The following CSMD1 variants were observed in gnomAD, a reference collection of about 807,000 sequenced individuals.
CSMD1 encodes the protein CUB and sushi domain-containing protein 1.
A neutral mutation model predicts 417.5 loss-of-function variants in CSMD1; 213 were observed. That is an observed-to-expected ratio of 0.51 (90% CI 0.46 to 0.57). CSMD1 has a LOEUF of 0.57. Ranked by LOEUF, CSMD1 falls within the 20% of genes least tolerant of loss-of-function variation. CSMD1 has a pLI of 0.00. For synonymous variants in CSMD1, 2,862 were observed against 1,736.8 expected (o/e 1.65, Z -16.11); for missense variants, 6,923 against 4,529.7 (o/e 1.53, Z -15.17).
At chr8:4,351,766 G>C (rs1283594892) in intron 3 of CSMD1, among the ~76,000 whole-genome samples, 1 of 152,086 alleles carries the variant, frequency 6.6e-6, no homozygotes, top group Non-Finnish European at 1.5e-5. Context: ...GAGAAGATGT[G>C]AAATTGCCAC....
chr8:3,488,530 T>A (rs1818186673), intron 11 of CSMD1, among the ~76,000 whole-genome samples: 1 of 152,190 alleles, frequency 6.6e-6, no homozygotes, highest in Admixed American at 6.5e-5. Flanking sequence ...TTAGCACTCT[T>A]ACTATTAATA....
chr8:3,352,920 A>C (rs1808511605), intron 21 of CSMD1, among the ~76,000 whole-genome samples: 1 of 152,304 alleles, frequency 6.6e-6, no homozygotes, highest in African/African-American at 2.4e-5. Context: ...AAAAACACAA[A>C]AACACATGGG....
chr8:4,166,276 C>T (rs913982376), intron 3 of CSMD1, among the ~76,000 whole-genome samples: 1 of 152,068 alleles, frequency 6.6e-6, no homozygotes, highest in Non-Finnish European at 1.5e-5. Context: ...AATACATAAA[C>T]ATAAAAGTTC....
chr8:3,010,234 C>T (rs1585142895), intron 52 of CSMD1, among the ~76,000 whole-genome samples: 1 of 152,168 alleles, frequency 6.6e-6, no homozygotes, highest in East Asian at 1.9e-4. Flanking sequence ...TCGGTGTTGC[C>T]TGTTTAAAAC....
intron 10 of CSMD1, among the ~76,000 whole-genome samples, chr8:3,574,070 T>G (rs1022452324): frequency 1.3e-5 from 2 of 152,138 alleles, no homozygotes; most frequent in South Asian, 4.1e-4. Flanking sequence ...GTATGCAAAC[T>G]TACAGAGAAA....
chr8:3,733,059 C>T (rs1269781839), intron 6 of CSMD1, among the ~76,000 whole-genome samples: 1 of 151,738 alleles, frequency 6.6e-6, no homozygotes, highest in African/African-American at 2.4e-5. Context: ...GAAGTAAATG[C>T]TGCTGATTGG....
intron 12 of CSMD1, among the ~76,000 whole-genome samples, chr8:3,436,236 A>G (rs1041690324): frequency 3.3e-5 from 5 of 152,228 alleles, no homozygotes; most frequent in African/African-American, 1.2e-4. Context: ...GAAAAAGAAA[A>G]TTAAAATGTG....
At chr8:4,458,877 G>T (rs866641472) in intron 2 of CSMD1, among the ~76,000 whole-genome samples, 1 of 152,176 alleles carries the variant, frequency 6.6e-6, no homozygotes, top group Non-Finnish European at 1.5e-5. Flanking sequence ...TCATTCCACA[G>T]TGAAACAAGC....
At chr8:3,510,020 G>A (rs1038872432) in intron 10 of CSMD1, among the ~76,000 whole-genome samples, 18 of 152,138 alleles carry the variant, frequency 1.2e-4, no homozygotes, top group Non-Finnish European at 2.4e-4. Flanking sequence ...TATACAAGTC[G>A]CGTATCCACT....
chr8:4,932,399 T>C (rs7828818), intron 1 of CSMD1, among the ~76,000 whole-genome samples: 47,208 of 151,846 alleles, frequency 0.31, 8,312 homozygotes, highest in Non-Finnish European at 0.41. Flanking sequence ...ACAGAGTTTG[T>C]TCCTTCTGTG....
chr8:3,912,146 G>C (rs942224518), intron 5 of CSMD1, among the ~76,000 whole-genome samples: 4 of 152,028 alleles, frequency 2.6e-5, no homozygotes, highest in African/African-American at 7.2e-5. Context: ...TATTTAACCT[G>C]ATTAATGGGA....
intron 3 of CSMD1, among the ~76,000 whole-genome samples, chr8:4,071,186 T>C (rs1466521263): frequency 6.6e-6 from 1 of 152,100 alleles, no homozygotes; most frequent in Non-Finnish European, 1.5e-5. Flanking sequence ...TTCTCCCTTA[T>C]TCTCCCTCTC....
chr8:4,551,768 T>A (rs1202977064), intron 2 of CSMD1, among the ~76,000 whole-genome samples: 17 of 152,002 alleles, frequency 1.1e-4, no homozygotes, highest in Admixed American at 1.1e-3. Context: ...CACTGCAACC[T>A]CTCAGGCTGA....
intron 3 of CSMD1, among the ~76,000 whole-genome samples, chr8:4,086,894 G>T (rs115651902): frequency 2.6e-5 from 4 of 152,158 alleles, no homozygotes; most frequent in African/African-American, 7.2e-5. Context: ...GTAAATGTTG[G>T]CAACAATCAG....
At chr8:4,811,783 A>G (rs1224952093) in intron 1 of CSMD1, among the ~76,000 whole-genome samples, 2 of 152,218 alleles carry the variant, frequency 1.3e-5, no homozygotes, top group Non-Finnish European at 2.9e-5. Flanking sequence ...TTTTAGGAAT[A>G]TGGTTTAAAA....
chr8:3,109,401 T>C (rs1264421152), intron 43 of CSMD1, among the ~76,000 whole-genome samples: 2 of 152,350 alleles, frequency 1.3e-5, no homozygotes, highest in African/African-American at 2.4e-5. Flanking sequence ...GGCAGTTTCA[T>C]TGTGGTCAAC....
chr8:4,296,904 T>G (rs569063728), intron 3 of CSMD1, among the ~76,000 whole-genome samples: 49 of 152,216 alleles, frequency 3.2e-4, no homozygotes, highest in African/African-American at 1.2e-3. Flanking sequence ...CTCATGGAGA[T>G]TATATTCCTG....
intron 5 of CSMD1, among the ~76,000 whole-genome samples, chr8:3,997,283 C>G (rs920526207): frequency 6.6e-6 from 1 of 152,202 alleles, no homozygotes; most frequent in Admixed American, 6.5e-5. Context: ...CAATCACGAC[C>G]ATCACTCCTA....
chr8:3,384,178 AG>A (rs1399344126), intron 18 of CSMD1, among the ~76,000 whole-genome samples: 1 of 152,194 alleles, frequency 6.6e-6, no homozygotes, highest in Non-Finnish European at 1.5e-5. Context: ...TTATACTTGT[AG>A]AAATAAATAA....
Sources: allele counts gnomAD v4.1 joint callset (sites outside exome capture counted in the v4.1 genomes callset), GRCh38; gene constraint gnomAD v4.1.1; transcripts MANE v1.5; gene names NCBI Gene and HGNC (gene_info 2026-07-23, HGNC 2026-07-21).